The following AKAP9 variants were observed in gnomAD, a reference collection of about 807,000 sequenced individuals.
The protein encoded by AKAP9 is A-kinase anchoring protein 9.
In AKAP9, 311 loss-of-function variants were observed where a neutral mutation model predicts 488.5. That is an observed-to-expected ratio of 0.64 (90% CI 0.58 to 0.70). The LOEUF (loss-of-function observed/expected upper bound fraction) is 0.70, where lower values mean the gene tolerates loss of function less well. Among genes scored for constraint, AKAP9 ranks in the 30% least tolerant of loss-of-function variants. The probability of loss-of-function intolerance (pLI) is 0.00; values close to 1 mark genes in which losing one functional copy is unlikely to be tolerated. For synonymous variants in AKAP9, 1,462 were observed against 1,483.5 expected (o/e 0.99, Z 0.33); for missense variants, 4,215 against 4,374.5 (o/e 0.96, Z 1.03).
chr7:92,045,331 T>C, intron 21 of AKAP9, 118 bp downstream of exon 21: 2 of 964,660 alleles, frequency 2.1e-6, no homozygotes, highest in Non-Finnish European at 3.2e-6. Flanking sequence ...AAATGGACCT[T>C]CAAACAGAAA....
chr7:92,096,389 C>G (rs1816581357), intron 40 of AKAP9, among the ~76,000 whole-genome samples: 1 of 145,572 alleles, frequency 6.9e-6, no homozygotes. Context: ...CGCTGGAGGG[C>G]AGTGGTGCAA....
chr7:92,086,569 G>A (rs192887488), intron 37 of AKAP9, among the ~76,000 whole-genome samples, 153 bp downstream of exon 37: 77 of 152,174 alleles, frequency 5.1e-4, no homozygotes, highest in Non-Finnish European at 8.1e-4. Flanking sequence ...AACGTATTAT[G>A]TTAGAAGGTA....
chr7:92,037,940 A>G (rs933690319), intron 16 of AKAP9, among the ~76,000 whole-genome samples: 49 of 152,168 alleles, frequency 3.2e-4, no homozygotes, highest in African/African-American at 1.0e-3. Context: ...ATGTATTTCT[A>G]TTTCTTAACT....
chr7:91,975,787 G>A (rs1267040247), intron 2 of AKAP9, among the ~76,000 whole-genome samples: 1 of 151,648 alleles, frequency 6.6e-6, no homozygotes, highest in Non-Finnish European at 1.5e-5. Flanking sequence ...TTTTGTTTTT[G>A]TAGCTATCCT....
At chr7:91,947,345 A>AT (rs960177311) in intron 1 of AKAP9, among the ~76,000 whole-genome samples, 41 of 150,308 alleles carry the variant, frequency 2.7e-4, no homozygotes, top group Non-Finnish European at 5.2e-4. Context: ...CTTAGCAAGC[A>AT]TTTTTTTTTC....
intron 14 of AKAP9, among the ~76,000 whole-genome samples, chr7:92,023,501 C>T (rs1211412339): frequency 6.6e-6 from 1 of 152,138 alleles, no homozygotes; most frequent in Non-Finnish European, 1.5e-5. Flanking sequence ...TCCTCTTTCT[C>T]TTATACCTCT....
intron 3 of AKAP9, among the ~76,000 whole-genome samples, chr7:91,984,526 A>G (rs1796825794): frequency 6.6e-6 from 1 of 152,090 alleles, no homozygotes; most frequent in Non-Finnish European, 1.5e-5. Flanking sequence ...TGTTTTGGTT[A>G]CTGTAGCCTT....
intron 15 of AKAP9, among the ~76,000 whole-genome samples, chr7:92,030,775 C>G (rs549316060): frequency 6.6e-6 from 1 of 151,084 alleles, no homozygotes; most frequent in African/African-American, 2.4e-5. Context: ...TGCATGCCAT[C>G]TAACTAAACC....
chr7:92,016,092 T>G, intron 10 of AKAP9, 37 bp from the exon 11 acceptor site: 2 of 1,555,294 alleles, frequency 1.3e-6, no homozygotes, highest in South Asian at 2.3e-5. Flanking sequence ...AAATCAAAAT[T>G]TAAATTCCTT....
chr7:92,088,859 G>T (rs1815044809), intron 37 of AKAP9, among the ~76,000 whole-genome samples: 1 of 152,072 alleles, frequency 6.6e-6, no homozygotes, highest in Non-Finnish European at 1.5e-5. Flanking sequence ...CATTTTCCTG[G>T]TTTTGATAAT....
chr7:92,063,086 T>TA (rs5885798), intron 24 of AKAP9, among the ~76,000 whole-genome samples: 63,027 of 152,000 alleles, frequency 0.41, 13,521 homozygotes, highest in African/African-American at 0.51. Context: ...GATGGAACTT[T>TA]AATCCTGTTT....
rs756495468 is a variant in AKAP9, at chr7:92,093,255, T to C, written c.9517T>C (p.Leu3173=). The C allele has an allele frequency of 1.7e-5, 28 of 1,613,860 alleles. No homozygotes were observed. The East Asian group carries it at 1.8e-4, about 10-fold the overall frequency. ...ELKSELAQTK[L]ELETTLKAQH... ...GAAGAGTGAGCTTGCACAAACTAAA[T>C]TGGAACTAGAAACAACACTCAAGGC... The change falls in exon 39 of 50, where the codon TTG becomes CTG. Residue 3173 remains leucine (L), a synonymous_variant. Coordinates refer to ENST00000356239, the MANE Select transcript of AKAP9 (RefSeq NM_005751.5).
intron 3 of AKAP9, among the ~76,000 whole-genome samples, chr7:91,983,069 A>G (rs1796634892): frequency 6.6e-6 from 1 of 150,572 alleles, no homozygotes; most frequent in Non-Finnish European, 1.5e-5. Context: ...TATTATTATT[A>G]TACTTTAAGT....
At chr7:92,008,296 G>A (rs1800201386) in intron 8 of AKAP9, among the ~76,000 whole-genome samples, 1 of 152,118 alleles carries the variant, frequency 6.6e-6, no homozygotes, top group Non-Finnish European at 1.5e-5. Flanking sequence ...GAACCCGGGA[G>A]GCAGAGGTTG....
At chr7:92,067,866 A>G (rs943925827) in intron 26 of AKAP9, among the ~76,000 whole-genome samples, 2 of 152,348 alleles carry the variant, frequency 1.3e-5, no homozygotes, top group South Asian at 4.1e-4. Context: ...AGAGATTGTA[A>G]TAGCACCCAC....
intron 10 of AKAP9, 134 bp from the exon 11 acceptor site, chr7:92,015,995 T>C: frequency 1.5e-6 from 1 of 658,488 alleles, no homozygotes; most frequent in Non-Finnish European, 2.6e-6. Context: ...TTGATAAGGG[T>C]ATGGAGAGAA....
intron 1 of AKAP9, among the ~76,000 whole-genome samples, chr7:91,963,109 C>A (rs1272723961): frequency 2.0e-5 from 3 of 152,082 alleles, no homozygotes; most frequent in Non-Finnish European, 4.4e-5. Flanking sequence ...TTAAACAATG[C>A]ACCTAGAATT....
Position 91,994,695 on chromosome 7 carries a change from AAGAAG to A in AKAP9, c.656_660del (p.Arg219LysfsTer3), listed in dbSNP as rs768274954. On this transcript the variant is annotated frameshift_variant, in exon 6 of 50. Transcript: ENST00000356239. LOFTEE classifies it high-confidence loss of function. ...AGCTCACTGCTAATTTACAACAAGCAAGAAGAGAAAAGGATGAGACAATGAGAGAA... is the reference window on the plus strand; with the variant it reads ...AGCTCACTGCTAATTTACAACAAGCAAGAAAAGGATGAGACAATGAGAGAA... The A allele has an allele frequency of 1.9e-6, 3 of 1,613,490 alleles. No homozygotes were observed. In the Admixed American group the frequency reaches 5.0e-5, roughly 27 times the overall value.
At chr7:92,012,365 A>C in intron 8 of AKAP9, 64 bp from the exon 9 acceptor site, 2 of 1,453,496 alleles carry the variant, frequency 1.4e-6, no homozygotes, top group Non-Finnish European at 1.9e-6. Flanking sequence ...TGCAAAAAAA[A>C]GAAGTTAAAT....
Sources: gnomAD v4.1 joint callset for allele counts (sites outside exome capture counted in the v4.1 genomes callset) on GRCh38, gnomAD v4.1.1 for gene constraint, MANE v1.5 for transcripts, NCBI Gene and HGNC (gene_info 2026-07-23, HGNC 2026-07-21) for gene names.